Variants in IRAK3 observed in about 807,000 individuals in gnomAD.
IRAK3 encodes the protein interleukin-1 receptor-associated kinase 3.
A neutral mutation model predicts 56.6 loss-of-function variants in IRAK3; 57 were observed. The ratio of observed to expected loss-of-function variants is 1.01; its 90% CI spans 0.81 to 1.26. The LOEUF (loss-of-function observed/expected upper bound fraction) is 1.26. IRAK3 is among the 50% of genes most tolerant of loss of function. IRAK3 has a pLI of 0.00. For missense variants in IRAK3, 703 were observed against 719.0 expected (o/e 0.98, Z 0.25); for synonymous variants, 258 against 255.7 (o/e 1.01, Z -0.09).
chr12:66,204,314 T>C (rs2052536848), intron 2 of IRAK3, among the ~76,000 whole-genome samples: 1 of 152,186 alleles, frequency 6.6e-6, no homozygotes, highest in Non-Finnish European at 1.5e-5. Context: ...TATAATTGTA[T>C]TTTCCCCCAT....
At chr12:66,222,697 G>A (rs955446514) in intron 6 of IRAK3, among the ~76,000 whole-genome samples, 1 of 151,588 alleles carries the variant, frequency 6.6e-6, no homozygotes, top group African/African-American at 2.4e-5. Context: ...TTTTTTTAGT[G>A]GTTCAAAGGA....
intron 5 of IRAK3, among the ~76,000 whole-genome samples, chr12:66,215,591 T>A (rs1474134538): frequency 2.0e-5 from 3 of 152,198 alleles, no homozygotes; most frequent in South Asian, 2.1e-4. Flanking sequence ...CTGGATAAAT[T>A]GAATGCAGCA....
At chr12:66,214,298 C>T (rs542246879) in intron 5 of IRAK3, among the ~76,000 whole-genome samples, 2 of 150,940 alleles carry the variant, frequency 1.3e-5, no homozygotes, top group Non-Finnish European at 3.0e-5. Flanking sequence ...CTGAGGTGGG[C>T]GGATCACTTG....
At chr12:66,230,450 G>A (rs1013351580) in intron 8 of IRAK3, among the ~76,000 whole-genome samples, 2 of 152,196 alleles carry the variant, frequency 1.3e-5, no homozygotes, top group Non-Finnish European at 2.9e-5. Flanking sequence ...AGCTGGGGTG[G>A]CGCATCAAAG....
chr12:66,227,391 G>A (rs1271017038), intron 7 of IRAK3, among the ~76,000 whole-genome samples: 1 of 152,134 alleles, frequency 6.6e-6, no homozygotes. Context: ...AGGAGTTCAG[G>A]ACCAGCCTGA....
At chr12:66,241,755 A>G (rs2052972160) in intron 8 of IRAK3, among the ~76,000 whole-genome samples, 1 of 152,230 alleles carries the variant, frequency 6.6e-6, no homozygotes, top group Non-Finnish European at 1.5e-5. Context: ...GAATAATTTC[A>G]CATCTTGTTG....
At position 66,228,293 on chromosome 12, in the gene IRAK3, A is replaced by C; in HGVS notation, c.810A>C (p.Ile270=). The C allele has an allele frequency of 6.2e-7, 1 of 1,614,180 alleles. No homozygotes were observed. Among genetic ancestry groups the C allele is most frequent in the Admixed American group, 1.7e-5 (1 of 60,022 alleles). ...TCCCTTGGCACATTCGAATCGGTAT[A>C]TTAATAGGAATATCCAAAGCCATTC... ...APLPWHIRIG[I]LIGISKAIHY... The change falls in exon 8 of 12, where the codon ATA becomes ATC. Residue 270 remains isoleucine, a synonymous_variant. Coordinates refer to ENST00000261233, the MANE Select transcript of IRAK3 (RefSeq NM_007199.3).
At chr12:66,231,027 A>G (rs1429888166) in intron 8 of IRAK3, among the ~76,000 whole-genome samples, 1 of 152,212 alleles carries the variant, frequency 6.6e-6, no homozygotes, top group Non-Finnish European at 1.5e-5. Flanking sequence ...CAAAGAGCAC[A>G]CACATCTTCA....
chr12:66,210,031 T>A (rs2052596198), intron 3 of IRAK3, 116 bp from the exon 4 acceptor site: 1 of 668,740 alleles, frequency 1.5e-6, no homozygotes, highest in African/African-American at 1.8e-5. Flanking sequence ...TTCTTTTAAA[T>A]TAGGTTGCAC....
chr12:66,189,277 C>T lies in IRAK3; in HGVS notation c.-23C>T. 1 of 1,535,180 alleles carries T rather than the reference C, an allele frequency of 6.5e-7. No individual in the cohort carries two copies. The highest frequency in any genetic ancestry group is 2.4e-5 in the East Asian group (1 of 41,056). ...GCAGGGACCTGGACTCCGCCTCGTC[C>T]CCGGGGCTCGGGCAGCCGAGCCATG... On this transcript the variant is annotated 5_prime_UTR_variant, in exon 1 of 12. Transcript: ENST00000261233.
intron 1 of IRAK3, chr12:66,197,758 C>A: frequency 1.0e-6 from 1 of 985,412 alleles, no homozygotes; most frequent in Non-Finnish European, 1.2e-6. Context: ...CCTAAAACCC[C>A]AGCTCATTTG....
chr12:66,233,051 C>G lies in IRAK3; in HGVS notation c.887+4681C>G, dbSNP rs541182963. ...CCAAAATTTCAGCAACTTTTATTGA[C>G]TACCTTTTAAAAGCCCTATGCTGCT... On this transcript the variant is annotated intron_variant, in intron 8 of 11. Transcript: ENST00000261233. Among the ~76,000 whole-genome samples, 5 of 151,890 alleles carry G rather than the reference C, an allele frequency of 3.3e-5. No individual in the cohort carries two copies. In the East Asian group the frequency reaches 9.7e-4, roughly 29 times the overall value.
intron 7 of IRAK3, 90 bp from the exon 8 acceptor site, chr12:66,228,162 A>T: frequency 1.1e-6 from 1 of 934,488 alleles, no homozygotes; most frequent in Non-Finnish European, 1.8e-6. Context: ...CTTGCTATCT[A>T]CTTCTATTCT....
At chr12:66,211,655 A>G (rs761952876) in intron 5 of IRAK3, 58 bp downstream of exon 5, 19 of 1,395,020 alleles carry the variant, frequency 1.4e-5, no homozygotes, top group Non-Finnish European at 1.9e-5. Flanking sequence ...CATCTTTCAT[A>G]TTAAAATATG....
rs796227708 is a variant in IRAK3, at chr12:66,204,792, A to G, written c.316+899A>G. On this transcript the variant is annotated intron_variant, in intron 2 of 11. Transcript: ENST00000261233. Reference sequence around the variant, plus strand: ...TGAGCCCTTGCGCACACACACACACACACACACACACACACACACACACAC... The same window carrying G: ...TGAGCCCTTGCGCACACACACACACGCACACACACACACACACACACACAC... 2.8e-3 allele frequency among the ~76,000 whole-genome samples: 404 copies of G among 145,966 alleles called. 4 individuals carry two copies. The highest frequency in any genetic ancestry group is 0.014 in the East Asian group (70 of 5,106).
At chr12:66,200,222 G>A (rs1002166910) in intron 1 of IRAK3, among the ~76,000 whole-genome samples, 4 of 152,158 alleles carry the variant, frequency 2.6e-5, no homozygotes, top group African/African-American at 9.7e-5. Context: ...ATATCAGTCA[G>A]GATAAACTAA....
intron 2 of IRAK3, among the ~76,000 whole-genome samples, chr12:66,204,898 A>G (rs1324611636): frequency 1.3e-5 from 2 of 152,070 alleles, no homozygotes; most frequent in African/African-American, 4.8e-5. Context: ...TTATTGGGAT[A>G]TTAGTTCCTA....
rs1426815796 is a variant in IRAK3, at chr12:66,215,792, A to ACGCGCGCG, written c.589-1378_589-1377insGCGCGCGC. ...CCCTATTTTAACCCAACATGCACAC[A>ACGCGCGCG]CACACACACACACACACACACACAC... is the stretch of plus-strand genomic sequence containing the variant. On this transcript the variant is annotated intron_variant, in intron 5 of 11. Transcript: ENST00000261233. Among the ~76,000 whole-genome samples, 127 of 85,876 alleles carry ACGCGCGCG rather than the reference A, an allele frequency of 1.5e-3. 1 individual carries two copies. Among genetic ancestry groups the ACGCGCGCG allele is most frequent in the African/African-American group, 3.9e-3 (122 of 31,056 alleles). The allele number at this position is 85,876 out of a possible 152,430, so 56.3% of individuals were successfully genotyped here. A position where few individuals can be genotyped will look rare whatever the true frequency, so the allele number is the denominator to read the frequency against.
At position 66,226,733 on chromosome 12, in the gene IRAK3, CCAAA is replaced by C; in HGVS notation, c.667_670del (p.Asn223TyrfsTer2). 1 of 1,594,940 alleles carries C rather than the reference CCAAA, an allele frequency of 6.3e-7. No homozygotes were observed. The highest frequency in any genetic ancestry group is 8.6e-7 in the Non-Finnish European group (1 of 1,162,560). On this transcript the variant is annotated frameshift_variant, in exon 7 of 12. Transcript: ENST00000261233. LOFTEE classifies it high-confidence loss of function. ...ATCTTTTGTTTCAAGGTTTCATCAC[CCAAA>C]CATACTAGAGTTGGCTGCATATTTT...
Sources: gnomAD v4.1 joint callset for allele counts (sites outside exome capture counted in the v4.1 genomes callset) on GRCh38, gnomAD v4.1.1 for gene constraint, MANE v1.5 for transcripts, NCBI Gene and HGNC (gene_info 2026-07-23, HGNC 2026-07-21) for gene names.